DUSP5: variants seen among roughly 807,000 people sequenced by gnomAD.
The protein encoded by DUSP5 is dual specificity phosphatase 5, also known as dual specificity protein phosphatase 5.
A neutral mutation model predicts 33.6 loss-of-function variants in DUSP5; 22 were observed. The ratio of observed to expected loss-of-function variants is 0.66; its 90% CI spans 0.47 to 0.94. The LOEUF (loss-of-function observed/expected upper bound fraction) is 0.94. Ranked by LOEUF, DUSP5 falls within the 40% of genes least tolerant of loss-of-function variation. The pLI, the probability that DUSP5 is intolerant of heterozygous loss-of-function variation, is 0.00. For missense variants in DUSP5, 551 were observed against 522.1 expected (o/e 1.06, Z -0.54); for synonymous variants, 270 against 231.1 (o/e 1.17, Z -1.53).
In DUSP5 at chr10:110,511,429, A is replaced by G. The variant is rs1318264280; in HGVS notation, c.*1003A>G. 6.6e-6 allele frequency: 1 copy of G among 152,580 alleles called. No homozygotes were observed. Among genetic ancestry groups the G allele is most frequent in the East Asian group, 1.9e-4 (1 of 5,202 alleles). 9.5% of individuals were successfully genotyped at this position (152,580 alleles called of 1,614,324 possible). On this transcript the variant is annotated 3_prime_UTR_variant, in exon 4 of 4. Coordinates refer to ENST00000369583, the MANE Select transcript of DUSP5 (RefSeq NM_004419.4). ...TCTGTTAGTTATTTCTCCAGGGGAA[A>G]AGGCAATAATTTTCTAAGACCCGTG...
chr10:110,504,795 A>G (rs1019451179), intron 2 of DUSP5, among the ~76,000 whole-genome samples: 4 of 152,248 alleles, frequency 2.6e-5, no homozygotes, highest in Admixed American at 2.0e-4. Flanking sequence ...AATCTCTATG[A>G]CAGTGGCAGC....
Position 110,510,002 on chromosome 10 carries a change from A to T in DUSP5, c.749-18A>T. 8 of 1,562,836 alleles carry T rather than the reference A, an allele frequency of 5.1e-6. No individual in the cohort carries two copies. The highest frequency in any genetic ancestry group is 6.9e-6 in the Non-Finnish European group (8 of 1,151,226). On this transcript the variant is annotated intron_variant, in intron 3 of 3. Coordinates refer to ENST00000369583, the MANE Select transcript of DUSP5 (RefSeq NM_004419.4). ...ATTCTAATCCCAACTCACTCCCACC[A>T]TCTTTTCTTCCTTCCAGACTGTGTC...
chr10:110,502,994 G>A, intron 2 of DUSP5, 125 bp downstream of exon 2: 1 of 1,317,022 alleles, frequency 7.6e-7, no homozygotes, highest in Non-Finnish European at 1.0e-6. Flanking sequence ...TGTGGATCAG[G>A]GTGTTGGCAA....
intron 2 of DUSP5, among the ~76,000 whole-genome samples, chr10:110,504,640 C>G (rs1287924769): frequency 6.6e-6 from 1 of 152,170 alleles, no homozygotes; most frequent in Non-Finnish European, 1.5e-5. Context: ...AACTTTGTAC[C>G]ACCTCTGCTG....
Position 110,503,126 on chromosome 10 carries a change from T to C in DUSP5, c.528+257T>C, listed in dbSNP as rs549101609. On this transcript the variant is annotated intron_variant, in intron 2 of 3. Coordinates refer to ENST00000369583, the MANE Select transcript of DUSP5 (RefSeq NM_004419.4). ...AACCAGCCACAGGATGCTTGGCAGCTTCTGGGGAAAAGGGGAAGTGAAAGA... is the reference window on the plus strand; with the variant it reads ...AACCAGCCACAGGATGCTTGGCAGCCTCTGGGGAAAAGGGGAAGTGAAAGA... Among the ~76,000 whole-genome samples, 7 of 152,320 alleles carry C rather than the reference T, an allele frequency of 4.6e-5. No homozygotes were observed. The South Asian group carries it at 1.2e-3, about 27-fold the overall frequency.
At chr10:110,499,545 G>T (rs775726744) in intron 1 of DUSP5, among the ~76,000 whole-genome samples, 1 of 152,162 alleles carries the variant, frequency 6.6e-6, no homozygotes. Flanking sequence ...GCAGAGAGCC[G>T]GCGCCGAGTT....
Position 110,506,875 on chromosome 10 carries a change from C to T in DUSP5, c.529-60C>T, listed in dbSNP as rs1223724351. 6.4e-6 allele frequency: 10 copies of T among 1,556,310 alleles called. No individual in the cohort carries two copies. In the Admixed American group the frequency reaches 1.2e-4, roughly 19 times the overall value. On this transcript the variant is annotated intron_variant, in intron 2 of 3. Coordinates refer to ENST00000369583, the MANE Select transcript of DUSP5 (RefSeq NM_004419.4). Reference sequence around the variant, plus strand: ...ACAAATAGGTCGGAGTTGTTTTTTCCTCTCTCAAATGAACAAGCTAATCCA... The same window carrying T: ...ACAAATAGGTCGGAGTTGTTTTTTCTTCTCTCAAATGAACAAGCTAATCCA...
intron 2 of DUSP5, among the ~76,000 whole-genome samples, chr10:110,506,145 A>G (rs1860115771): frequency 6.6e-6 from 1 of 152,200 alleles, no homozygotes; most frequent in Non-Finnish European, 1.5e-5. Context: ...AATACACCAT[A>G]TAGGCTAGGC....
rs1232845046 is a variant in DUSP5 at position 110,498,228 on chromosome 10, C to T, written c.107C>T (p.Ala36Val). Residue 36 changes from alanine (A) to valine (V), a missense_variant, in exon 1 of 4, where the codon GCC becomes GTC. By Grantham distance (64) the Ala-to-Val change is moderately conservative (BLOSUM62 0). Around this residue, in one of 3 missense-constraint regions of DUSP5, gnomAD observed 381 missense variants for 310.4 expected, o/e 1.23. Transcript: ENST00000369583. ...TGCCGGCCCTATCTGGCCTTCGCTG[C>T]CTCGAACGTGCGCGGCTCGCTCAAC... ...LDCRPYLAFAASNVRGSLNVN... is the reference protein window; with the variant it reads ...LDCRPYLAFAVSNVRGSLNVN... The T allele has an allele frequency of 3.3e-6, 5 of 1,514,804 alleles. No individual in the cohort carries two copies. Among genetic ancestry groups the T allele is most frequent in the Middle Eastern group, 1.7e-4 (1 of 5,730 alleles). The allele number at this position is 1,514,804 out of a possible 1,614,324, so 93.8% of individuals were successfully genotyped here.
chr10:110,510,292 C>T lies in DUSP5; in HGVS notation c.1021C>T (p.His341Tyr), dbSNP rs753970682. ...GEAAGSSLIG[H>Y]LQTLSPDMQG... ...GGCAGCAGGCTCTTCACTGATAGGCCATTTGCAGACACTGAGCCCTGACAT... is the reference window on the plus strand; with the variant it reads ...GGCAGCAGGCTCTTCACTGATAGGCTATTTGCAGACACTGAGCCCTGACAT... Residue 341 changes from histidine to tyrosine, a missense_variant, in exon 4 of 4, where the codon CAT becomes TAT. Physicochemically the swap from His to Tyr is moderately conservative, Grantham distance 83 (BLOSUM62 2). Around this residue, in one of 3 missense-constraint regions of DUSP5, gnomAD observed 158 missense variants for 181.8 expected, o/e 0.87. Transcript: ENST00000369583. 1 of 1,614,176 alleles carries T rather than the reference C, an allele frequency of 6.2e-7. No homozygotes were observed. The highest frequency in any genetic ancestry group is 1.7e-5 in the Admixed American group (1 of 60,024).
In DUSP5 at chr10:110,498,329, G is replaced by T. The variant is rs1185738586; in HGVS notation, c.208G>T (p.Ala70Ser). 27 of 1,343,306 alleles carry T rather than the reference G, an allele frequency of 2.0e-5. No homozygotes were observed. Among genetic ancestry groups the T allele is most frequent in the Non-Finnish European group, 2.5e-5 (26 of 1,050,784 alleles). The allele number at this position is 1,343,306 out of a possible 1,614,324, so 83.2% of individuals were successfully genotyped here. Residue 70 changes from alanine to serine, a missense_variant, in exon 1 of 4, where the codon GCG (alanine) becomes TCG (serine). Ala to Ser is a moderately conservative substitution (Grantham distance 99). Coordinates refer to ENST00000369583, the MANE Select transcript of DUSP5 (RefSeq NM_004419.4). Reference protein sequence around the residue: ...VSARYVLPDEAARARLLQEGG... With the variant: ...VSARYVLPDESARARLLQEGG... ...GGCGCGCTACGTGCTGCCCGACGAG[G>T]CGGCGCGCGCGCGGCTCCTGCAGGA...
rs1280189589 is a variant in DUSP5, at chr10:110,498,172, G to A, written c.51G>A (p.Lys17=). The A allele has an allele frequency of 6.7e-7, 1 of 1,491,576 alleles. No individual in the cohort carries two copies. 92.4% of individuals were successfully genotyped at this position (1,491,576 alleles called of 1,614,324 possible). The stretch of plus-strand genomic sequence containing the variant: ...GCCAGCTGCGCAAGATGCTCCGCAA[G>A]GAGGCGGCGGCGCGCTGCGTGGTGC... ...DGRQLRKMLR[K]EAAARCVVLD... The change falls in exon 1 of 4, where the codon AAG becomes AAA. Residue 17 remains lysine (K), a synonymous_variant. Coordinates refer to ENST00000369583, the MANE Select transcript of DUSP5 (RefSeq NM_004419.4).
At chr10:110,498,808 G>T (rs1048844908) in intron 1 of DUSP5, among the ~76,000 whole-genome samples, 10 of 152,144 alleles carry the variant, frequency 6.6e-5, no homozygotes, top group Admixed American at 6.5e-4. Context: ...CCGGGCACGA[G>T]CCCCCTTTCC....
chr10:110,498,044 A>T lies in DUSP5; in HGVS notation c.-78A>T. The T allele has an allele frequency of 9.5e-7, 1 of 1,052,626 alleles. No homozygotes were observed. The highest frequency in any genetic ancestry group is 1.1e-6 in the Non-Finnish European group (1 of 875,462). 65.2% of individuals were successfully genotyped at this position (1,052,626 alleles called of 1,614,324 possible). ...GCCCTCCCGTGCCTCGCCCGCGGAC[A>T]CCCTGGCCGTGGACACCCTGGCCGT... On this transcript the variant is annotated 5_prime_UTR_variant, in exon 1 of 4. Transcript: ENST00000369583.
intron 1 of DUSP5, among the ~76,000 whole-genome samples, chr10:110,500,109 C>T (rs750616293): frequency 2.0e-5 from 3 of 152,156 alleles, no homozygotes; most frequent in Non-Finnish European, 4.4e-5. Context: ...CAGAGACAGT[C>T]GTCAACTATT....
chr10:110,498,589 C>T (rs985778775), intron 1 of DUSP5, 89 bp downstream of exon 1: 45 of 1,323,780 alleles, frequency 3.4e-5, no homozygotes, highest in South Asian at 3.2e-4. Context: ...ACCCTGGGAC[C>T]GGGAGAGTCA....
intron 1 of DUSP5, 47 bp downstream of exon 1, chr10:110,498,547 G>A (rs751741045): frequency 1.4e-6 from 2 of 1,391,068 alleles, no homozygotes; most frequent in Admixed American, 3.2e-5. Flanking sequence ...GGCGCCCCCG[G>A]GTCCCCTCCC....
At chr10:110,499,124 C>T (rs962308864) in intron 1 of DUSP5, among the ~76,000 whole-genome samples, 1 of 152,136 alleles carries the variant, frequency 6.6e-6, no homozygotes, top group Non-Finnish European at 1.5e-5. Flanking sequence ...CCTCCTCCTT[C>T]CTCCGCCCCA....
chr10:110,511,370 T>G lies in DUSP5; in HGVS notation c.*944T>G, dbSNP rs1394403845. Reference sequence around the variant, plus strand: ...CTGTGGACTTCTGGGATTTGCAGATTTTGCAACGTGGTACTACTTTTTTTT... The same window carrying G: ...CTGTGGACTTCTGGGATTTGCAGATGTTGCAACGTGGTACTACTTTTTTTT... On this transcript the variant is annotated 3_prime_UTR_variant, in exon 4 of 4. Coordinates refer to ENST00000369583, the MANE Select transcript of DUSP5 (RefSeq NM_004419.4). The G allele has an allele frequency of 2.6e-5, 4 of 152,614 alleles. No homozygotes were observed. Among genetic ancestry groups the G allele is most frequent in the Non-Finnish European group, 5.9e-5 (4 of 68,032 alleles). The allele number at this position is 152,614 out of a possible 1,614,324, so 9.5% of individuals were successfully genotyped here.
Sources: allele counts gnomAD v4.1 joint callset (sites outside exome capture counted in the v4.1 genomes callset), GRCh38; gene constraint gnomAD v4.1.1; regional missense constraint gnomAD v4.1.1; transcripts MANE v1.5; gene names NCBI Gene and HGNC (gene_info 2026-07-23, HGNC 2026-07-21).